RGS7: variants seen among roughly 807,000 people sequenced by gnomAD.
RGS7 encodes regulator of G-protein signaling 7.
In RGS7, 27 loss-of-function variants were observed where a neutral mutation model predicts 81.1. The observed-to-expected ratio is 0.33, with a 90% confidence interval of 0.25 to 0.46. The LOEUF is 0.46. Among genes scored for constraint, RGS7 ranks in the 20% least tolerant of loss-of-function variants. RGS7 has a pLI of 1.00. For missense variants in RGS7, 396 were observed against 607.4 expected (o/e 0.65, Z 3.66); for synonymous variants, 208 against 207.7 (o/e 1.00, Z -0.01).
In RGS7 at chr1:240,830,435, G is replaced by A. The variant is rs116671867; in HGVS notation, c.610-3263C>T. 2.7e-3 allele frequency among the ~76,000 whole-genome samples: 406 copies of A among 152,288 alleles called. 1 individual carries two copies. Among genetic ancestry groups the A allele is most frequent in the African/African-American group, 8.6e-3 (358 of 41,570 alleles). Reference sequence around the variant, plus strand: ...TCGACAAGGATCTGGAAGATGTTCTGGGGGTGCTTGGCCCTCTGGCCCCAC... The same window carrying A: ...TCGACAAGGATCTGGAAGATGTTCTAGGGGTGCTTGGCCCTCTGGCCCCAC... On this transcript the variant is annotated intron_variant, in intron 9 of 18. Transcript: ENST00000440928.
intron 2 of RGS7, among the ~76,000 whole-genome samples, chr1:241,342,643 C>T (rs1558339382): frequency 6.6e-6 from 1 of 152,186 alleles, no homozygotes; most frequent in Non-Finnish European, 1.5e-5. Context: ...TTTGGTTAGA[C>T]AGAAATCTTA....
chr1:241,319,552 TCTTA>T (rs1213843061), intron 2 of RGS7, among the ~76,000 whole-genome samples: 1 of 151,956 alleles, frequency 6.6e-6, no homozygotes, highest in Non-Finnish European at 1.5e-5. Context: ...AGAGTCAGGG[TCTTA>T]CTTTGTCACC....
At chr1:240,915,624 T>A (rs915173896) in intron 6 of RGS7, among the ~76,000 whole-genome samples, 2 of 152,060 alleles carry the variant, frequency 1.3e-5, no homozygotes, top group African/African-American at 4.8e-5. Flanking sequence ...CAGATAAACA[T>A]AAAACCTCAC....
chr1:241,095,444 C>T (rs909420018), intron 3 of RGS7, among the ~76,000 whole-genome samples: 6 of 152,130 alleles, frequency 3.9e-5, no homozygotes, highest in African/African-American at 1.2e-4. Context: ...GAATTTGAGA[C>T]TAGCCTAGGC....
chr1:241,184,180 G>C (rs1330103441), intron 2 of RGS7, among the ~76,000 whole-genome samples: 1 of 152,046 alleles, frequency 6.6e-6, no homozygotes, highest in Non-Finnish European at 1.5e-5. Flanking sequence ...TAAACATCCT[G>C]CCTAATTGAT....
intron 3 of RGS7, among the ~76,000 whole-genome samples, chr1:241,020,428 T>C (rs1229577965): frequency 6.6e-6 from 1 of 152,190 alleles, no homozygotes; most frequent in Non-Finnish European, 1.5e-5. Flanking sequence ...ACATTCCCTA[T>C]GGCTACATAA....
chr1:240,848,702 C>T (rs1222273967), intron 9 of RGS7, among the ~76,000 whole-genome samples: 1 of 151,454 alleles, frequency 6.6e-6, no homozygotes. Context: ...CTAAGATGCT[C>T]CTGAATAACA....
chr1:241,139,438 A>T (rs1227714776), intron 2 of RGS7, among the ~76,000 whole-genome samples: 1 of 152,248 alleles, frequency 6.6e-6, no homozygotes, highest in Admixed American at 6.5e-5. Context: ...AATAACTGTG[A>T]ATCATGCTTC....
At chr1:241,240,644 G>A (rs1031765816) in intron 2 of RGS7, among the ~76,000 whole-genome samples, 1 of 152,116 alleles carries the variant, frequency 6.6e-6, no homozygotes, top group Admixed American at 6.5e-5. Context: ...TATACATATA[G>A]TTAGAAATTG....
chr1:240,972,178 T>C (rs1469026259), intron 4 of RGS7, among the ~76,000 whole-genome samples: 2 of 152,180 alleles, frequency 1.3e-5, no homozygotes, highest in Admixed American at 6.5e-5. Flanking sequence ...GCCTCTCTTA[T>C]GGTTGCCCGC....
chr1:240,846,198 A>G (rs1659053398), intron 9 of RGS7, among the ~76,000 whole-genome samples: 1 of 152,170 alleles, frequency 6.6e-6, no homozygotes, highest in African/African-American at 2.4e-5. Context: ...CCTCATATTT[A>G]CCATGTCATT....
At chr1:240,836,171 C>T (rs1411138513) in intron 9 of RGS7, among the ~76,000 whole-genome samples, 7 of 123,536 alleles carry the variant, frequency 5.7e-5, no homozygotes, top group African/African-American at 9.4e-5. Flanking sequence ...ATAATGGGGG[C>T]GGCTGTGGGC....
intron 3 of RGS7, among the ~76,000 whole-genome samples, chr1:241,077,948 G>T (rs552832037): frequency 6.6e-6 from 1 of 151,952 alleles, no homozygotes; most frequent in Admixed American, 6.6e-5. Flanking sequence ...ATTTTATGAC[G>T]TCACATGATG....
rs184308105 is a variant in RGS7 at position 240,920,116 on chromosome 1, A to G, written c.385+10601T>C. 51 of 904,904 alleles carry G rather than the reference A, an allele frequency of 5.6e-5. 1 individual carries two copies. In the East Asian group the frequency reaches 1.2e-3, roughly 21 times the overall value. The allele number at this position is 904,904 out of a possible 1,614,324, so 56.1% of individuals were successfully genotyped here. A position where few individuals can be genotyped will look rare whatever the true frequency, so the allele number is the denominator to read the frequency against. On this transcript the variant is annotated intron_variant, in intron 6 of 18. Transcript: ENST00000440928. Reference sequence around the variant, plus strand: ...TTTGCCTTTGTAATCTTTGATGACTATGACTCCGTGGATAAGACGGTCATT... The same window carrying G: ...TTTGCCTTTGTAATCTTTGATGACTGTGACTCCGTGGATAAGACGGTCATT...
chr1:240,806,464 G>A (rs1381191763), intron 14 of RGS7, 138 bp from the exon 15 acceptor site: 7 of 714,150 alleles, frequency 9.8e-6, no homozygotes, highest in African/African-American at 1.8e-5. Flanking sequence ...TATCAGGGTG[G>A]TACTGACTGT....
chr1:240,970,259 C>T (rs1455563217), intron 4 of RGS7, among the ~76,000 whole-genome samples: 1 of 152,122 alleles, frequency 6.6e-6, no homozygotes, highest in Non-Finnish European at 1.5e-5. Context: ...GAAAGATGGT[C>T]TGAAATAATG....
At chr1:241,335,084 C>A (rs1434429372) in intron 2 of RGS7, among the ~76,000 whole-genome samples, 2 of 152,176 alleles carry the variant, frequency 1.3e-5, no homozygotes, top group African/African-American at 4.8e-5. Flanking sequence ...CAAAAAACTG[C>A]AGACTGATCC....
At chr1:240,890,819 T>C (rs1250591242) in intron 6 of RGS7, among the ~76,000 whole-genome samples, 1 of 150,198 alleles carries the variant, frequency 6.7e-6, no homozygotes, top group African/African-American at 2.5e-5. Context: ...CCCAGTTGTC[T>C]GGGAAGAGCC....
At chr1:241,207,348 C>CATATATATATATATATATATAT (rs540737449) in intron 2 of RGS7, among the ~76,000 whole-genome samples, 3,824 of 143,234 alleles carry the variant, frequency 0.027, 104 homozygotes, top group East Asian at 0.11. Flanking sequence ...CTTTAAAATG[C>CATATATATATATATATATATAT]ATATATATAT....
Sources: gnomAD v4.1 joint callset for allele counts (sites outside exome capture counted in the v4.1 genomes callset) on GRCh38, gnomAD v4.1.1 for gene constraint, MANE v1.5 for transcripts, NCBI Gene and HGNC (gene_info 2026-07-23, HGNC 2026-07-21) for gene names.